Variants in LRRC7 observed in about 807,000 individuals in gnomAD.
The protein encoded by LRRC7 is leucine-rich repeat-containing protein 7.
Under a neutral mutation model 175.7 loss-of-function variants are expected in LRRC7, and 23 were observed. The observed-to-expected ratio is 0.13, with a 90% CI of 0.09 to 0.19. The LOEUF (loss-of-function observed/expected upper bound fraction) is 0.19, where lower values mean the gene tolerates loss of function less well. Ranked by LOEUF, LRRC7 falls within the 10% of genes least tolerant of loss-of-function variation. The pLI is 1.00. For missense variants in LRRC7, 1,354 were observed against 1,904.7 expected, an observed-to-expected ratio of 0.71 and a Z score of 5.38; for synonymous variants, 685 against 680.9, an observed-to-expected ratio of 1.01 and a Z score of -0.09.
intron 1 of LRRC7, among the ~76,000 whole-genome samples, chr1:69,666,955 C>T (rs1387645780): frequency 6.6e-6 from 1 of 151,954 alleles, no homozygotes; most frequent in Non-Finnish European, 1.5e-5. Context: ...CTATAAACTT[C>T]CTTCTTGGTA....
rs574357981 is a variant in LRRC7, at chr1:69,650,539, C to CA, written c.3-27827dup. 5.1e-3 allele frequency among the ~76,000 whole-genome samples: 401 copies of CA among 79,158 alleles called. 34 individuals carry two copies. Among genetic ancestry groups the CA allele is most frequent in the African/African-American group, 0.011 (210 of 19,026 alleles). The allele number at this position is 79,158 out of a possible 152,430, so 51.9% of individuals were successfully genotyped here. A position where few individuals can be genotyped will look rare whatever the true frequency, so the allele number is the denominator to read the frequency against. ...TGGGCGAAAAAGAGAGACTCCGTCT[C>CA]AAAAAAAAAAAAAAATGCCAAGCAT... is the stretch of plus-strand genomic sequence containing the variant. On this transcript the variant is annotated intron_variant, in intron 1 of 26. Transcript: ENST00000651989.
In LRRC7 at chr1:70,126,277, T is replaced by G. The variant is rs146007003; in HGVS notation, c.*4390T>G. Among the ~76,000 whole-genome samples, 412 of 152,218 alleles carry G rather than the reference T, an allele frequency of 2.7e-3. 1 individual carries two copies. The highest frequency in any genetic ancestry group is 9.4e-3 in the African/African-American group (391 of 41,514). ...ATATGCCGACCAAACAGCAAGTTTA[T>G]TGGCACACTGGGTCAATAAAAAGTT... On this transcript the variant is annotated 3_prime_UTR_variant, in exon 27 of 27. Transcript: ENST00000651989.
intron 8 of LRRC7, among the ~76,000 whole-genome samples, chr1:69,943,949 A>AACACACACACACACACACACACAC (rs55900412): frequency 2.1e-5 from 3 of 145,404 alleles, no homozygotes; most frequent in African/African-American, 7.7e-5. Flanking sequence ...TATCATGGTA[A>AACACACACACACACACACACACAC]ACACACACAC....
rs1657927029 is a variant in LRRC7, at chr1:69,664,107, C to CATTATGGGA, written c.3-14274_3-14273insATTATGGGA. Among the ~76,000 whole-genome samples the CATTATGGGA allele has an allele frequency of 2.0e-5, 3 of 152,180 alleles. No homozygotes were observed. In the East Asian group the frequency reaches 5.8e-4, roughly 29 times the overall value. On this transcript the variant is annotated intron_variant, in intron 1 of 26. Coordinates refer to ENST00000651989, the MANE Select transcript of LRRC7 (RefSeq NM_001370785.2). ...ACTTAACATAATGACTACCAGTTCCCTCCATGTTGTTGTAAATGACAGGAT... is the reference window on the plus strand; with the variant it reads ...ACTTAACATAATGACTACCAGTTCCCATTATGGGATCCATGTTGTTGTAAATGACAGGAT...
chr1:69,973,801 G>A (rs1279021394), intron 8 of LRRC7, among the ~76,000 whole-genome samples: 1 of 152,104 alleles, frequency 6.6e-6, no homozygotes, highest in Non-Finnish European at 1.5e-5. Context: ...GGCCAGGCTG[G>A]TCTCAAACTC....
intron 9 of LRRC7, among the ~76,000 whole-genome samples, chr1:69,983,870 T>C (rs1435714207): frequency 6.6e-6 from 1 of 152,166 alleles, no homozygotes; most frequent in Admixed American, 6.5e-5. Context: ...TAATCTCCAA[T>C]ATTTAATATG....
chr1:69,903,212 T>A (rs1454733629), intron 7 of LRRC7, among the ~76,000 whole-genome samples: 1 of 152,176 alleles, frequency 6.6e-6, no homozygotes, highest in Non-Finnish European at 1.5e-5. Flanking sequence ...ACAGCTCCAG[T>A]CTGCAGCTCC....
At chr1:70,065,536 G>A (rs549710414) in intron 23 of LRRC7, among the ~76,000 whole-genome samples, 1 of 151,970 alleles carries the variant, frequency 6.6e-6, no homozygotes, top group South Asian at 2.1e-4. Context: ...ATTTAGCTTT[G>A]TTCCTAACAA....
chr1:69,857,095 G>T (rs1683743904), intron 7 of LRRC7, among the ~76,000 whole-genome samples: 1 of 152,002 alleles, frequency 6.6e-6, no homozygotes, highest in Non-Finnish European at 1.5e-5. Context: ...AATAAATTCG[G>T]TATTGATGGG....
chr1:69,738,458 C>T (rs556440154), intron 2 of LRRC7, among the ~76,000 whole-genome samples: 153 of 152,008 alleles, frequency 1.0e-3, no homozygotes, highest in African/African-American at 3.4e-3. Flanking sequence ...TTACTCCTTT[C>T]CTTGTTTTTC....
At chr1:69,836,663 A>G (rs1420390250) in intron 6 of LRRC7, among the ~76,000 whole-genome samples, 1 of 151,932 alleles carries the variant, frequency 6.6e-6, no homozygotes, top group Non-Finnish European at 1.5e-5. Flanking sequence ...GGACACTTGA[A>G]ATTCCTTTTA....
At chr1:69,634,323 T>C (rs565397005) in intron 1 of LRRC7, among the ~76,000 whole-genome samples, 1 of 152,270 alleles carries the variant, frequency 6.6e-6, no homozygotes, top group East Asian at 1.9e-4. Context: ...ACAAGCTATA[T>C]TGTCATCTAA....
At chr1:69,628,227 A>G (rs1039844809) in intron 1 of LRRC7, among the ~76,000 whole-genome samples, 4 of 151,818 alleles carry the variant, frequency 2.6e-5, no homozygotes, top group African/African-American at 9.7e-5. Flanking sequence ...CGTCATCTAT[A>G]TGAAAAGTCA....
intron 7 of LRRC7, among the ~76,000 whole-genome samples, chr1:69,901,458 AT>A (rs1476949801): frequency 9.8e-6 from 1 of 102,306 alleles, no homozygotes; most frequent in East Asian, 3.9e-4. Context: ...CCCTTTTCTT[AT>A]GGGGAAGTGG....
At chr1:70,119,932 C>CTTTTGGTCAAATTGAAGGCATTAAGGTA (rs1666105986) in intron 26 of LRRC7, among the ~76,000 whole-genome samples, 2 of 152,004 alleles carry the variant, frequency 1.3e-5, no homozygotes, top group Non-Finnish European at 2.9e-5. Flanking sequence ...TAAGTTACAA[C>CTTTTGGTCAAATTGAAGGCATTAAGGTA]TTTTGGTCAA....
At chr1:69,768,054 C>G (rs949540479) in intron 3 of LRRC7, among the ~76,000 whole-genome samples, 2 of 152,084 alleles carry the variant, frequency 1.3e-5, no homozygotes, top group African/African-American at 4.8e-5. Flanking sequence ...GCTGAAACAC[C>G]GATCATTCAA....
At chr1:69,908,186 A>G (rs1385990424) in intron 7 of LRRC7, among the ~76,000 whole-genome samples, 3 of 151,702 alleles carry the variant, frequency 2.0e-5, no homozygotes, top group South Asian at 2.1e-4. Context: ...CGGTCTATCA[A>G]TTTTGTTGAT....
At chr1:70,078,792 ACGCGCGCGCGCGCG>A (rs141606062) in intron 24 of LRRC7, among the ~76,000 whole-genome samples, 1 of 146,594 alleles carries the variant, frequency 6.8e-6, no homozygotes, top group African/African-American at 2.6e-5. Context: ...TTCTACATAT[ACGCGCGCGCGCGCG>A]CGCGCACACA....
Position 69,568,516 on chromosome 1 carries a change from C to A in LRRC7, c.-124C>A. On this transcript the variant is annotated 5_prime_UTR_variant, in exon 1 of 27. Coordinates refer to ENST00000651989, the MANE Select transcript of LRRC7 (RefSeq NM_001370785.2). ...TCTTCCTACCTTCTACTCCTTCCCT[C>A]CTCTTCTCCTCCGAAGACCCTGGCG... 2 of 864,974 alleles carry A rather than the reference C, an allele frequency of 2.3e-6. No homozygotes were observed. The highest frequency in any genetic ancestry group is 2.6e-5 in the Admixed American group (1 of 38,062). 53.6% of individuals were successfully genotyped at this position (864,974 alleles called of 1,614,324 possible). A position where few individuals can be genotyped will look rare whatever the true frequency, so the allele number is the denominator to read the frequency against.
Sources: gnomAD v4.1 joint callset for allele counts (sites outside exome capture counted in the v4.1 genomes callset) on GRCh38, gnomAD v4.1.1 for gene constraint, MANE v1.5 for transcripts, NCBI Gene and HGNC (gene_info 2026-07-23, HGNC 2026-07-21) for gene names.